Variants in AK9 observed in about 807,000 individuals in gnomAD.
The protein encoded by AK9 is adenylate kinase 9, also known as adenylate kinase domain containing 1.
A neutral mutation model predicts 239.6 loss-of-function variants in AK9; 191 were observed. The observed-to-expected ratio is 0.80, with a 90% CI of 0.71 to 0.90. The LOEUF is 0.90. AK9 is among the 40% of genes least tolerant of loss of function. AK9 has a pLI of 0.00. For synonymous variants in AK9, 689 were observed against 721.0 expected (o/e 0.96, Z 0.71); for missense variants, 1,995 against 2,214.7 (o/e 0.90, Z 1.99).
chr6:109,515,949 T>A lies in AK9; in HGVS notation c.3973A>T (p.Lys1325Ter), dbSNP rs1367489507. 1.3e-6 allele frequency: 2 copies of A among 1,551,726 alleles called. No individual in the cohort carries two copies. Among genetic ancestry groups the A allele is most frequent in the East Asian group, 4.9e-5 (2 of 40,914 alleles). The change falls in exon 31 of 41, where the codon AAA becomes TAA. Residue 1325 changes from lysine to a stop codon, truncating the protein, a stop_gained. Transcript: ENST00000424296. LOFTEE classifies it high-confidence loss of function. Reference sequence around the variant, plus strand: ...AGGGGTGCTGGTATTGGATGACATTTCTCAAAAATGCTTGCACGATTTTCC... The same window carrying A: ...AGGGGTGCTGGTATTGGATGACATTACTCAAAAATGCTTGCACGATTTTCC... ...LVENRASIFE[K>*]CHPIPAPLAQ...
intron 17 of AK9, among the ~76,000 whole-genome samples, chr6:109,595,823 G>A (rs937257755): frequency 3.9e-5 from 6 of 152,076 alleles, no homozygotes; most frequent in African/African-American, 1.4e-4. Flanking sequence ...GACACAGGGA[G>A]GGGAACATCA....
intron 8 of AK9, among the ~76,000 whole-genome samples, chr6:109,645,505 G>A (rs1483660725): frequency 1.3e-5 from 2 of 152,208 alleles, no homozygotes; most frequent in African/African-American, 2.4e-5. Context: ...CAGGCTGGGC[G>A]AGGGGCATCC....
chr6:109,647,138 C>T lies in AK9; in HGVS notation c.760-2450G>A, dbSNP rs1798173606. 2.0e-5 allele frequency among the ~76,000 whole-genome samples: 3 copies of T among 152,278 alleles called. No individual in the cohort carries two copies. The South Asian group carries it at 6.2e-4, about 32-fold the overall frequency. ...AGTAACAGTCACTGAAAAAACATGC[C>T]AAGTTGTAAAGAGCATCAAGGCTAG... On this transcript the variant is annotated intron_variant, in intron 8 of 40. Transcript: ENST00000424296.
chr6:109,527,675 G>C (rs1181888967), intron 29 of AK9: 1 of 151,840 alleles, frequency 6.6e-6, no homozygotes, highest in Non-Finnish European at 1.5e-5. Flanking sequence ...GTTGTGCTGC[G>C]AGTTTGTTTG....
intron 16 of AK9, 59 bp downstream of exon 16, chr6:109,611,951 T>C: frequency 8.9e-7 from 1 of 1,129,172 alleles, no homozygotes; most frequent in Admixed American, 2.8e-5. Context: ...CTGAGGGAAC[T>C]ACTTGTGTTT....
chr6:109,547,710 T>TA (rs1232040103), intron 25 of AK9, among the ~76,000 whole-genome samples: 1 of 151,686 alleles, frequency 6.6e-6, no homozygotes, highest in Non-Finnish European at 1.5e-5. Flanking sequence ...TACATTAACC[T>TA]AAAAAAACCT....
intron 1 of AK9, among the ~76,000 whole-genome samples, 156 bp from the exon 2 acceptor site, chr6:109,675,912 CATTT>C (rs149806119): frequency 2.7e-4 from 41 of 152,166 alleles, no homozygotes; most frequent in African/African-American, 9.9e-4. Context: ...AAGTTTAACT[CATTT>C]ATAAAAACAA....
At chr6:109,641,917 C>T (rs2128288026) in intron 9 of AK9, among the ~76,000 whole-genome samples, 1 of 152,284 alleles carries the variant, frequency 6.6e-6, no homozygotes, top group South Asian at 2.1e-4. Context: ...TATTGGACTT[C>T]AGGGCCTCAA....
At chr6:109,546,695 C>T (rs750727739) in intron 25 of AK9, among the ~76,000 whole-genome samples, 8 of 152,058 alleles carry the variant, frequency 5.3e-5, no homozygotes, top group Admixed American at 2.6e-4. Flanking sequence ...TTGATATATC[C>T]GAGTAGGATA....
At chr6:109,567,480 C>T (rs932253325) in intron 21 of AK9, among the ~76,000 whole-genome samples, 6 of 151,994 alleles carry the variant, frequency 3.9e-5, no homozygotes, top group South Asian at 4.2e-4. Flanking sequence ...GACAGATTCA[C>T]GGCTGAATTC....
At chr6:109,637,849 A>G (rs1796915910) in intron 10 of AK9, among the ~76,000 whole-genome samples, 2 of 152,238 alleles carry the variant, frequency 1.3e-5, no homozygotes, top group Non-Finnish European at 2.9e-5. Context: ...CAAGAGTTAA[A>G]GCAGTGGTTC....
chr6:109,558,099 T>A (rs750798055), intron 24 of AK9, among the ~76,000 whole-genome samples: 14 of 152,222 alleles, frequency 9.2e-5, no homozygotes, highest in Non-Finnish European at 1.8e-4. Flanking sequence ...GGTTGTTTTC[T>A]CATTGAGTAT....
chr6:109,587,190 G>C (rs1009272035), intron 17 of AK9, among the ~76,000 whole-genome samples: 8 of 152,076 alleles, frequency 5.3e-5, no homozygotes, highest in African/African-American at 1.9e-4. Context: ...AAGAGAATTA[G>C]GGAAAAAGAA....
At chr6:109,528,825 A>T in intron 29 of AK9, 186 bp downstream of exon 29, 2 of 1,001,146 alleles carry the variant, frequency 2.0e-6, no homozygotes, top group Non-Finnish European at 3.0e-6. Context: ...AGAGTGTCTT[A>T]AGCCAGAAGG....
intron 12 of AK9, among the ~76,000 whole-genome samples, chr6:109,623,904 C>A (rs1162488026): frequency 1.6e-5 from 2 of 124,300 alleles, no homozygotes; most frequent in African/African-American, 7.5e-5. Flanking sequence ...CACACACACA[C>A]ATTTCTTCTC....
At position 109,633,083 on chromosome 6, in the gene AK9, C is replaced by A; in HGVS notation, c.1094G>T (p.Cys365Phe). 6.5e-7 allele frequency: 1 copy of A among 1,548,670 alleles called. No individual in the cohort carries two copies. Residue 365 changes from cysteine (C) to phenylalanine (F), a missense_variant, in exon 12 of 41, where the codon TGT becomes TTT. Around this residue, in one of 5 missense-constraint regions of AK9, gnomAD observed 1,290 missense variants for 1,392.7 expected, o/e 0.93. Transcript: ENST00000424296. The part of the protein sequence containing the change: ...YSVSFLGKIY[C>F]LSSEEALKPF... ...TTTTAATGCTTCTTCTGATGAAAGA[C>A]AGTAGATTTTACCTAGAAAACTTAA...
chr6:109,536,444 C>A (rs1041299909), intron 27 of AK9, among the ~76,000 whole-genome samples: 2 of 152,196 alleles, frequency 1.3e-5, no homozygotes, highest in African/African-American at 4.8e-5. Flanking sequence ...GATTTCTGCA[C>A]ATTGACTTTG....
intron 21 of AK9, among the ~76,000 whole-genome samples, chr6:109,567,159 T>G (rs1786662368): frequency 6.6e-6 from 1 of 151,946 alleles, no homozygotes; most frequent in African/African-American, 2.4e-5. Flanking sequence ...TTTGAAAAGA[T>G]CAACAAAATT....
chr6:109,552,665 C>G (rs898607475), intron 24 of AK9, among the ~76,000 whole-genome samples: 3 of 152,170 alleles, frequency 2.0e-5, no homozygotes, highest in African/African-American at 7.2e-5. Context: ...CCTGTTCACT[C>G]TGATGATAGT....
Sources: allele counts gnomAD v4.1 joint callset (sites outside exome capture counted in the v4.1 genomes callset), GRCh38; gene constraint gnomAD v4.1.1; regional missense constraint gnomAD v4.1.1; transcripts MANE v1.5; gene names NCBI Gene and HGNC (gene_info 2026-07-23, HGNC 2026-07-21).